The following SF3A3 variants were observed in gnomAD, a reference collection of about 807,000 sequenced individuals.
The protein encoded by SF3A3 is splicing factor 3a subunit 3.
Under a neutral mutation model 85.8 loss-of-function variants are expected in SF3A3, and 9 were observed. That is an observed-to-expected ratio of 0.10 (90% confidence interval 0.06 to 0.18). The LOEUF is 0.18. Ranked by LOEUF, SF3A3 falls within the 10% of genes least tolerant of loss-of-function variation. The pLI, the probability that SF3A3 is intolerant of heterozygous loss-of-function variation, is 1.00. For missense variants in SF3A3, 306 were observed against 593.3 expected (o/e 0.52, Z 5.03); for synonymous variants, 195 against 204.4 (o/e 0.95, Z 0.39).
intron 15 of SF3A3, among the ~76,000 whole-genome samples, chr1:37,961,803 CG>C (rs1557746308): frequency 1.8e-5 from 2 of 108,886 alleles, no homozygotes; most frequent in African/African-American, 6.8e-5. Context: ...AAAAAAAGGC[CG>C]GGCGCGGTGT....
chr1:37,988,703 T>G (rs536097521), intron 2 of SF3A3, among the ~76,000 whole-genome samples: 1 of 152,148 alleles, frequency 6.6e-6, no homozygotes, highest in South Asian at 2.1e-4. Flanking sequence ...GTAAGGAACG[T>G]AGTAAAATGA....
At chr1:37,962,804 G>A (rs929484711) in intron 15 of SF3A3, among the ~76,000 whole-genome samples, 5 of 150,478 alleles carry the variant, frequency 3.3e-5, no homozygotes, top group South Asian at 2.1e-4. Context: ...AAATCACTGC[G>A]GCCGGGTGCG....
Position 37,969,716 on chromosome 1 carries a change from T to C in SF3A3, c.1025A>G (p.His342Arg). The C allele has an allele frequency of 3.1e-6, 5 of 1,614,200 alleles. No homozygotes were observed. The highest frequency in any genetic ancestry group is 4.2e-6 in the Non-Finnish European group (5 of 1,180,028). ...GGCTTGCTTGCGCTGTACATTTTCA[T>C]GAGTGAGATGTCGCTGTTCCTAAAG... ...EILGEQRHLT[H>R]ENVQRKQART... Residue 342 changes from histidine to arginine, a missense_variant, in exon 13 of 17, where the codon CAT becomes CGT. His to Arg is a conservative substitution (Grantham distance 29). Around this residue, in one of 4 missense-constraint regions of SF3A3, gnomAD observed 136 missense variants for 296.6 expected, o/e 0.46. Transcript: ENST00000373019.
chr1:37,975,368 T>G (rs764095989), intron 12 of SF3A3, among the ~76,000 whole-genome samples: 51 of 152,010 alleles, frequency 3.4e-4, no homozygotes, highest in Non-Finnish European at 6.2e-4. Context: ...ATACAAAAAT[T>G]AGCCAGGTGT....
Position 37,960,109 on chromosome 1 carries a change from TTAG to T in SF3A3, c.1428+8_1428+10del, listed in dbSNP as rs751466759. 1.9e-6 allele frequency: 3 copies of T among 1,612,650 alleles called. No individual in the cohort carries two copies. In the African/African-American group the frequency reaches 4.0e-5, roughly 22 times the overall value. On this transcript the variant is annotated splice_region_variant and intron_variant, in intron 16 of 16. Transcript: ENST00000373019. ...GACACTATCCCTAACACCATCCACA[TTAG>T]TACCCACCTCAGTGTCAGGCTGCCA...
At chr1:37,969,509 C>A (rs1416751734) in intron 13 of SF3A3, 45 bp from the exon 14 acceptor site, 1 of 1,613,246 alleles carries the variant, frequency 6.2e-7, no homozygotes. Flanking sequence ...TGTTAGCCTA[C>A]TAAACTCTGT....
rs185544313 is a variant in SF3A3 at position 37,962,214 on chromosome 1, T to C, written c.1373-2039A>G. 6.5e-4 allele frequency among the ~76,000 whole-genome samples: 91 copies of C among 139,358 alleles called. 1 individual carries two copies. In the East Asian group the frequency reaches 0.019, roughly 29 times the overall value. 91.4% of individuals were successfully genotyped at this position (139,358 alleles called of 152,430 possible). A position where few individuals can be genotyped will look rare whatever the true frequency, so the allele number is the denominator to read the frequency against. ...CTTACTATGTGACAGGGCAGTACCC[T>C]GTCATGTTCTTTGCCAAAGCCCTTC... On this transcript the variant is annotated intron_variant, in intron 15 of 16. Coordinates refer to ENST00000373019, the MANE Select transcript of SF3A3 (RefSeq NM_006802.4).
At chr1:37,976,819 G>T in intron 12 of SF3A3, 65 bp downstream of exon 12, 1 of 993,866 alleles carries the variant, frequency 1.0e-6, no homozygotes, top group Non-Finnish European at 1.6e-6. Context: ...TATCTTCTGT[G>T]AGTTCCTCTC....
chr1:37,975,071 A>AT (rs1324887188), intron 12 of SF3A3, among the ~76,000 whole-genome samples: 1 of 152,224 alleles, frequency 6.6e-6, no homozygotes, highest in Non-Finnish European at 1.5e-5. Flanking sequence ...TATCAAAAAA[A>AT]TTTGCATAAT....
intron 4 of SF3A3, among the ~76,000 whole-genome samples, chr1:37,985,893 T>A (rs1419002165): frequency 6.6e-6 from 1 of 152,020 alleles, no homozygotes; most frequent in Non-Finnish European, 1.5e-5. Flanking sequence ...CAAATAAGTA[T>A]GCTTCTCTGT....
intron 10 of SF3A3, 21 bp downstream of exon 10, chr1:37,978,967 G>C (rs1187650618): frequency 6.2e-6 from 10 of 1,601,680 alleles, no homozygotes; most frequent in African/African-American, 1.3e-5. Flanking sequence ...CGATAGTTTT[G>C]ATAGAAAAAC....
intron 15 of SF3A3, among the ~76,000 whole-genome samples, chr1:37,966,449 A>C (rs546389692): frequency 6.6e-6 from 1 of 152,242 alleles, no homozygotes; most frequent in African/African-American, 2.4e-5. Flanking sequence ...GGGTACTTCT[A>C]TATTTTCCTT....
At chr1:37,983,058 C>T (rs148411086) in intron 6 of SF3A3, among the ~76,000 whole-genome samples, 2,469 of 151,916 alleles carry the variant, frequency 0.016, 78 homozygotes, top group African/African-American at 0.058. Context: ...CCTGCCTCAG[C>T]CTCCTGAGTA....
intron 16 of SF3A3, 72 bp downstream of exon 16, chr1:37,960,048 C>A: frequency 8.2e-7 from 1 of 1,212,342 alleles, no homozygotes; most frequent in Non-Finnish European, 1.2e-6. Flanking sequence ...CATCTTTCAC[C>A]TCCTTTCTAC....
intron 6 of SF3A3, among the ~76,000 whole-genome samples, chr1:37,982,395 A>G (rs1040981707): frequency 6.8e-6 from 1 of 148,102 alleles, no homozygotes; most frequent in East Asian, 2.0e-4. Flanking sequence ...TTTGAGACGG[A>G]GTTTGGCTCT....
At chr1:37,983,593 A>AAAAAAAAAAAAAAAAAAAAAAT in intron 6 of SF3A3, among the ~76,000 whole-genome samples, 1 of 147,008 alleles carries the variant, frequency 6.8e-6, no homozygotes, top group Non-Finnish European at 1.5e-5. Flanking sequence ...TCTCAAAAAA[A>AAAAAAAAAAAAAAAAAAAAAAT]AAAAAAAAAA....
At chr1:37,966,773 TA>T (rs958004115) in intron 15 of SF3A3, among the ~76,000 whole-genome samples, 6 of 150,068 alleles carry the variant, frequency 4.0e-5, no homozygotes, top group African/African-American at 1.2e-4. Flanking sequence ...CCGTCTCTAC[TA>T]AAAGTACAAA....
At chr1:37,989,404 TG>T in intron 2 of SF3A3, 143 bp downstream of exon 2, 1 of 724,954 alleles carries the variant, frequency 1.4e-6, no homozygotes, top group Non-Finnish European at 2.2e-6. Flanking sequence ...CGGCAGCCTG[TG>T]GACATCTGTC....
At chr1:37,979,595 C>T in intron 8 of SF3A3, 62 bp from the exon 9 acceptor site, 4 of 1,301,528 alleles carry the variant, frequency 3.1e-6, no homozygotes, top group Non-Finnish European at 4.4e-6. Context: ...GTGGCTCACA[C>T]CTGTAATCTC....
Sources: allele counts gnomAD v4.1 joint callset (sites outside exome capture counted in the v4.1 genomes callset), GRCh38; gene constraint gnomAD v4.1.1; regional missense constraint gnomAD v4.1.1; transcripts MANE v1.5; gene names NCBI Gene and HGNC (gene_info 2026-07-23, HGNC 2026-07-21).